The following SLC26A8 variants were observed in gnomAD, a reference collection of about 807,000 sequenced individuals.
The protein encoded by SLC26A8 is solute carrier family 26 member 8.
A neutral mutation model predicts 105.0 loss-of-function variants in SLC26A8; 70 were observed. The ratio of observed to expected loss-of-function variants is 0.67; its 90% CI spans 0.55 to 0.81. SLC26A8 has a LOEUF of 0.81. Ranked by LOEUF, SLC26A8 falls within the 40% of genes least tolerant of loss-of-function variation. The pLI is 0.00. For missense variants in SLC26A8, 998 were observed against 1,181.8 expected (o/e 0.84, Z 2.28); for synonymous variants, 415 against 438.3 (o/e 0.95, Z 0.66).
At chr6:36,021,563 C>A (rs567469731) in intron 1 of SLC26A8, among the ~76,000 whole-genome samples, 1 of 152,136 alleles carries the variant, frequency 6.6e-6, no homozygotes, top group East Asian at 1.9e-4. Flanking sequence ...CAAAATATGA[C>A]CGTCAAGGAG....
intron 9 of SLC26A8, among the ~76,000 whole-genome samples, 193 bp downstream of exon 9, chr6:35,977,011 G>A (rs1773063330): frequency 6.6e-6 from 1 of 152,064 alleles, no homozygotes; most frequent in Non-Finnish European, 1.5e-5. Flanking sequence ...CTGTTCTAGG[G>A]CAATAACACT....
chr6:35,997,677 G>T, intron 5 of SLC26A8, 61 bp downstream of exon 5: 1 of 1,498,542 alleles, frequency 6.7e-7, no homozygotes, highest in Non-Finnish European at 9.1e-7. Context: ...TATAAGGAAG[G>T]GGTCTGTTTA....
chr6:35,967,953 T>G (rs1474721144), intron 11 of SLC26A8, among the ~76,000 whole-genome samples: 1 of 152,082 alleles, frequency 6.6e-6, no homozygotes, highest in Non-Finnish European at 1.5e-5. Context: ...GTTCAAGCGA[T>G]TCTCCTGCCT....
intron 7 of SLC26A8, among the ~76,000 whole-genome samples, chr6:35,982,883 C>G (rs1050654957): frequency 6.6e-6 from 1 of 152,162 alleles, no homozygotes; most frequent in Admixed American, 6.5e-5. Context: ...TGCTTTTCCC[C>G]CCTTTCACTT....
intron 2 of SLC26A8, among the ~76,000 whole-genome samples, chr6:36,017,603 GC>G (rs1365881593): frequency 2.0e-5 from 3 of 151,678 alleles, no homozygotes; most frequent in African/African-American, 7.3e-5. Context: ...TCGCACTCCA[GC>G]CTGGGCAACA....
intron 2 of SLC26A8, among the ~76,000 whole-genome samples, 177 bp downstream of exon 2, chr6:36,019,343 C>A (rs1173006929): frequency 6.6e-6 from 1 of 152,114 alleles, no homozygotes; most frequent in Non-Finnish European, 1.5e-5. Context: ...AGGAAGTTTA[C>A]AATCGAAAAG....
chr6:35,997,654 A>C, intron 5 of SLC26A8, 84 bp downstream of exon 5: 1 of 1,322,462 alleles, frequency 7.6e-7, no homozygotes, highest in Non-Finnish European at 1.0e-6. Flanking sequence ...ATCACAGTGG[A>C]TCACAGGAGC....
intron 10 of SLC26A8, chr6:35,969,396 G>A (rs1260646582): frequency 6.2e-6 from 1 of 162,076 alleles, no homozygotes; most frequent in Admixed American, 6.1e-5. Context: ...TCAAAAGATG[G>A]AGACCATCCT....
chr6:35,999,942 T>C (rs767955608), intron 4 of SLC26A8, 50 bp downstream of exon 4: 1 of 1,284,824 alleles, frequency 7.8e-7, no homozygotes, highest in Non-Finnish European at 1.1e-6. Flanking sequence ...AAGTATATGA[T>C]CAAGATGGAA....
rs1458609826 is a variant in SLC26A8 at position 35,991,843 on chromosome 6, G to A, written c.793-35C>T. 3.3e-6 allele frequency: 5 copies of A among 1,528,146 alleles called. No individual in the cohort carries two copies. In the Admixed American group the frequency reaches 8.7e-5, roughly 27 times the overall value. 94.7% of individuals were successfully genotyped at this position (1,528,146 alleles called of 1,614,324 possible). The stretch of plus-strand genomic sequence containing the variant: ...AATAAAATTACGGAGGCTTAGAAAG[G>A]GATGTAGTAATTGCCTAAGTCTAGA... On this transcript the variant is annotated intron_variant, in intron 6 of 19. Coordinates refer to ENST00000490799, the MANE Select transcript of SLC26A8 (RefSeq NM_052961.4).
intron 4 of SLC26A8, among the ~76,000 whole-genome samples, chr6:35,998,374 G>A (rs1010170356): frequency 1.3e-5 from 2 of 151,984 alleles, no homozygotes; most frequent in Non-Finnish European, 2.9e-5. Flanking sequence ...TGACCAACAT[G>A]GAGAAACCCC....
At chr6:35,978,901 G>A (rs904937426) in intron 8 of SLC26A8, among the ~76,000 whole-genome samples, 57 of 148,256 alleles carry the variant, frequency 3.8e-4, no homozygotes, top group African/African-American at 1.3e-3. Context: ...CTGGAGTGCA[G>A]TGGCGTGATC....
At chr6:35,957,374 A>C (rs1772116021) in intron 16 of SLC26A8, among the ~76,000 whole-genome samples, 1 of 152,094 alleles carries the variant, frequency 6.6e-6, no homozygotes, top group African/African-American at 2.4e-5. Context: ...TTGTGAAATA[A>C]ATTTTAAAAA....
chr6:36,005,981 G>T (rs1454489343), intron 3 of SLC26A8, among the ~76,000 whole-genome samples: 4 of 152,074 alleles, frequency 2.6e-5, no homozygotes, highest in Admixed American at 2.0e-4. Flanking sequence ...TAAAATTATT[G>T]TCATCAGGTA....
At chr6:36,007,993 G>T (rs548849524) in intron 3 of SLC26A8, among the ~76,000 whole-genome samples, 2 of 151,960 alleles carry the variant, frequency 1.3e-5, no homozygotes, top group Non-Finnish European at 2.9e-5. Context: ...AGTGGCAGGC[G>T]CCTGTAGTCC....
At chr6:35,982,276 AG>A (rs1391709148) in intron 7 of SLC26A8, 73 bp from the exon 8 acceptor site, 1 of 1,464,312 alleles carries the variant, frequency 6.8e-7, no homozygotes, top group East Asian at 2.3e-5. Flanking sequence ...CTAGAAGCAG[AG>A]TTGCCCATTG....
intron 10 of SLC26A8, 130 bp downstream of exon 10, chr6:35,975,245 G>T: frequency 2.2e-6 from 1 of 444,598 alleles, no homozygotes; most frequent in Non-Finnish European, 3.9e-6. Flanking sequence ...TCATCCCAGA[G>T]GTCTTTCCCA....
intron 10 of SLC26A8, 74 bp downstream of exon 10, chr6:35,975,301 C>A: frequency 1.3e-6 from 1 of 758,996 alleles, no homozygotes; most frequent in Non-Finnish European, 2.1e-6. Context: ...CCATTTAATT[C>A]CCTACTCTGA....
chr6:35,950,008 A>G (rs756054768), intron 19 of SLC26A8, among the ~76,000 whole-genome samples: 5 of 152,070 alleles, frequency 3.3e-5, no homozygotes, highest in Non-Finnish European at 7.4e-5. Context: ...GGGTTTCACC[A>G]GGATGGTCTC....
Sources: allele counts gnomAD v4.1 joint callset (sites outside exome capture counted in the v4.1 genomes callset), GRCh38; gene constraint gnomAD v4.1.1; transcripts MANE v1.5; gene names NCBI Gene and HGNC (gene_info 2026-07-23, HGNC 2026-07-21).